MAST4: variants seen among roughly 807,000 people sequenced by gnomAD.
MAST4 encodes the protein microtubule associated serine/threonine kinase family member 4, also known as microtubule-associated serine/threonine-protein kinase 4.
In MAST4, 89 loss-of-function variants were observed where a neutral mutation model predicts 162.7. The observed-to-expected ratio is 0.55, with a 90% confidence interval of 0.46 to 0.65. MAST4 has a LOEUF of 0.65. Among genes scored for constraint, MAST4 ranks in the 30% least tolerant of loss-of-function variants. MAST4 has a pLI of 0.00. For synonymous variants in MAST4, 1,479 were observed against 1,361.1 expected (o/e 1.09, Z -1.91); for missense variants, 3,153 against 3,374.0 (o/e 0.93, Z 1.62).
In MAST4 at chr5:67,165,618, G is replaced by C; in HGVS notation, c.6439G>C (p.Ala2147Pro). 1.2e-6 allele frequency: 2 copies of C among 1,612,994 alleles called. No individual in the cohort carries two copies. Among genetic ancestry groups the C allele is most frequent in the Non-Finnish European group, 1.7e-6 (2 of 1,179,556 alleles). ...GACGGCCAAAGACCTGTCCAGCCCG[G>C]CTGCCAGGCAGCATTGCAGTTCCCC... ...PLTAKDLSSP[A>P]ARQHCSSPSH... The change falls in exon 29 of 29, where the codon GCT (alanine) becomes CCT (proline). Residue 2147 changes from alanine (A) to proline (P), a missense_variant. By Grantham distance (27) the Ala-to-Pro change is conservative. Coordinates refer to ENST00000403625, the MANE Select transcript of MAST4 (RefSeq NM_001164664.2).
chr5:67,099,656 A>T (rs1163183567), intron 7 of MAST4, among the ~76,000 whole-genome samples: 1 of 152,176 alleles, frequency 6.6e-6, no homozygotes, highest in Non-Finnish European at 1.5e-5. Context: ...GAAAACAATT[A>T]GTTTCTTTGC....
At chr5:66,932,989 A>G (rs1212551045) in intron 4 of MAST4, among the ~76,000 whole-genome samples, 3 of 152,098 alleles carry the variant, frequency 2.0e-5, no homozygotes, top group Non-Finnish European at 4.4e-5. Context: ...TAATCTCCTC[A>G]TAGTTATAGC....
chr5:66,885,963 A>G (rs1211912349), intron 3 of MAST4, among the ~76,000 whole-genome samples: 1 of 152,236 alleles, frequency 6.6e-6, no homozygotes, highest in East Asian at 1.9e-4. Context: ...TACATGTATT[A>G]TTTCATTTAG....
At chr5:67,072,588 A>G (rs1250983310) in intron 5 of MAST4, among the ~76,000 whole-genome samples, 1 of 152,232 alleles carries the variant, frequency 6.6e-6, no homozygotes, top group Non-Finnish European at 1.5e-5. Flanking sequence ...AAAATTTGTT[A>G]TATTCATATG....
intron 4 of MAST4, among the ~76,000 whole-genome samples, chr5:66,936,944 GC>G (rs760141616): frequency 3.9e-5 from 6 of 152,022 alleles, no homozygotes; most frequent in Non-Finnish European, 7.4e-5. Flanking sequence ...TCTCCTGGAT[GC>G]CCTCTCTCCT....
At chr5:66,866,400 A>C (rs1051108569) in intron 3 of MAST4, among the ~76,000 whole-genome samples, 6 of 152,196 alleles carry the variant, frequency 3.9e-5, no homozygotes, top group Non-Finnish European at 8.8e-5. Flanking sequence ...CATAATTGAA[A>C]ATGTGCTCTA....
At chr5:66,692,984 AT>A (rs10711722) in intron 1 of MAST4, among the ~76,000 whole-genome samples, 56,279 of 132,968 alleles carry the variant, frequency 0.42, 10,589 homozygotes, top group East Asian at 0.59. Context: ...TAAAGTTTGT[AT>A]TTTTTTTTTT....
At chr5:66,636,116 C>T (rs1202374122) in intron 1 of MAST4, among the ~76,000 whole-genome samples, 1 of 151,936 alleles carries the variant, frequency 6.6e-6, no homozygotes, top group Non-Finnish European at 1.5e-5. Context: ...TGCCACCACG[C>T]CCAGCTAATT....
chr5:66,628,802 C>A (rs959376913), intron 1 of MAST4, among the ~76,000 whole-genome samples: 7 of 152,052 alleles, frequency 4.6e-5, no homozygotes, highest in African/African-American at 1.7e-4. Flanking sequence ...GTTCTGAAAG[C>A]AAAAGCAAAG....
Position 66,950,545 on chromosome 5 carries a change from C to G in MAST4, c.674+50563C>G, listed in dbSNP as rs369736010. Among the ~76,000 whole-genome samples, 4 of 152,202 alleles carry G rather than the reference C, an allele frequency of 2.6e-5. No individual in the cohort carries two copies. The East Asian group carries it at 7.7e-4, about 29-fold the overall frequency. On this transcript the variant is annotated intron_variant, in intron 4 of 28. Coordinates refer to ENST00000403625, the MANE Select transcript of MAST4 (RefSeq NM_001164664.2). ...AGTAGCTAGCATAACAATATTTGTCCTTTTGTGTCTGGCTTATTTCACTTA... is the reference window on the plus strand; with the variant it reads ...AGTAGCTAGCATAACAATATTTGTCGTTTTGTGTCTGGCTTATTTCACTTA...
intron 1 of MAST4, among the ~76,000 whole-genome samples, chr5:66,644,747 G>GTTTTTT (rs10638374): frequency 2.2e-5 from 3 of 137,768 alleles, no homozygotes; most frequent in Non-Finnish European, 3.1e-5. Context: ...ATTTGAAGTA[G>GTTTTTT]TTTTTTTTTT....
At chr5:66,653,068 C>A (rs906817673) in intron 1 of MAST4, among the ~76,000 whole-genome samples, 19 of 152,162 alleles carry the variant, frequency 1.2e-4, no homozygotes, top group African/African-American at 4.6e-4. Flanking sequence ...AATAGATTTT[C>A]AGTAGTTCAT....
intron 11 of MAST4, 98 bp from the exon 12 acceptor site, chr5:67,113,989 T>C (rs749707732): frequency 7.3e-7 from 1 of 1,368,652 alleles, no homozygotes; most frequent in Non-Finnish European, 1.0e-6. Context: ...CTTACAGCCA[T>C]GTATACCCAG....
Position 67,090,294 on chromosome 5 carries a change from T to C in MAST4, c.833+63T>C, listed in dbSNP as rs563928079. On this transcript the variant is annotated intron_variant, in intron 6 of 28. Coordinates refer to ENST00000403625, the MANE Select transcript of MAST4 (RefSeq NM_001164664.2). The stretch of plus-strand genomic sequence containing the variant: ...AGAGAGAATCCCATTTTCCTCTCCC[T>C]CTCCCCACTTCTCCCCCTCCCCACT... The C allele has an allele frequency of 1.1e-5, 12 of 1,068,096 alleles. No homozygotes were observed. In the African/African-American group the frequency reaches 1.5e-4, roughly 13 times the overall value. The allele number at this position is 1,068,096 out of a possible 1,614,324, so 66.2% of individuals were successfully genotyped here.
intron 4 of MAST4, among the ~76,000 whole-genome samples, chr5:66,972,455 A>G (rs1170381385): frequency 6.6e-6 from 1 of 152,210 alleles, no homozygotes; most frequent in Non-Finnish European, 1.5e-5. Flanking sequence ...TATATAAAAT[A>G]CAAGTTTGGC....
intron 16 of MAST4, among the ~76,000 whole-genome samples, chr5:67,132,783 T>C (rs1299143414): frequency 6.6e-6 from 1 of 152,022 alleles, no homozygotes; most frequent in African/African-American, 2.4e-5. Context: ...AATTGACTCA[T>C]GCTCATTCTA....
chr5:66,878,922 A>G (rs1456055993), intron 3 of MAST4, among the ~76,000 whole-genome samples: 1 of 152,260 alleles, frequency 6.6e-6, no homozygotes, highest in Admixed American at 6.5e-5. Context: ...AACAGTTCAC[A>G]GAAAAGCAAA....
intron 4 of MAST4, among the ~76,000 whole-genome samples, chr5:66,919,265 TA>T (rs1167278740): frequency 1.3e-5 from 2 of 152,048 alleles, no homozygotes; most frequent in Admixed American, 6.6e-5. Flanking sequence ...TTACTTGCAT[TA>T]AGACCAAAAA....
chr5:67,160,704 T>G, intron 27 of MAST4, 112 bp downstream of exon 27: 2 of 1,193,364 alleles, frequency 1.7e-6, no homozygotes, highest in Middle Eastern at 4.9e-4. Context: ...GTGAGAAATT[T>G]TATGTTATGG....
Sources: allele counts gnomAD v4.1 joint callset (sites outside exome capture counted in the v4.1 genomes callset), GRCh38; gene constraint gnomAD v4.1.1; transcripts MANE v1.5; gene names NCBI Gene and HGNC (gene_info 2026-07-23, HGNC 2026-07-21).